Variants in FASTKD2 observed in about 807,000 individuals in gnomAD.
FASTKD2 encodes FAST kinase domains 2.
FASTKD2 carries 51 observed loss-of-function variants against 63.6 expected under a neutral mutation model. The observed-to-expected ratio is 0.80, with a 90% CI of 0.64 to 1.01. The LOEUF is 1.01. Among genes scored for constraint, FASTKD2 ranks in the 50% least tolerant of loss-of-function variants. The pLI is 0.00. For missense variants in FASTKD2, 786 were observed against 831.1 expected, an observed-to-expected ratio of 0.95 and a Z score of 0.67; for synonymous variants, 284 against 293.4, an observed-to-expected ratio of 0.97 and a Z score of 0.33.
rs142922343 is a variant in FASTKD2 at position 206,779,818 on chromosome 2, C to T, written c.1427+5421C>T. ...TCTGTCTTACAGTTTTTTCTTCTAT[C>T]TTTTCCTTTCTTGTTATCTTCCTTT... is the stretch of plus-strand genomic sequence containing the variant. On this transcript the variant is annotated intron_variant, in intron 7 of 11. Transcript: ENST00000402774. 4.4e-3 allele frequency among the ~76,000 whole-genome samples: 674 copies of T among 152,256 alleles called. 5 individuals are homozygous for T. Among genetic ancestry groups the T allele is most frequent in the African/African-American group, 0.015 (632 of 41,548 alleles).
chr2:206,788,132 A>C lies in FASTKD2; in HGVS notation c.1790A>C (p.His597Pro). The stretch of plus-strand genomic sequence containing the variant: ...GAAGGACACTTCTCAAAGGATGTGC[A>C]CTTGCCACACAATTATCATATTGGT... ...GGEGHFSKDV[H>P]LPHNYHIDFE... Residue 597 changes from histidine (H) to proline (P), a missense_variant, in exon 9 of 12, where the codon CAC (histidine) becomes CCC (proline). His to Pro is a moderately conservative substitution (Grantham distance 77). Coordinates refer to ENST00000402774, the MANE Select transcript of FASTKD2 (RefSeq NM_001136193.2). The C allele has an allele frequency of 6.2e-7, 1 of 1,603,232 alleles. No individual in the cohort carries two copies.
In FASTKD2 at chr2:206,792,530, G is replaced by A. The variant is rs889769009; in HGVS notation, c.*728G>A. 3.3e-5 allele frequency: 5 copies of A among 151,812 alleles called. No homozygotes were observed. The highest frequency in any genetic ancestry group is 7.3e-5 in the African/African-American group (3 of 41,294). The allele number at this position is 151,812 out of a possible 1,614,324, so 9.4% of individuals were successfully genotyped here. A position where few individuals can be genotyped will look rare whatever the true frequency, so the allele number is the denominator to read the frequency against. On this transcript the variant is annotated 3_prime_UTR_variant, in exon 12 of 12. Coordinates refer to ENST00000402774, the MANE Select transcript of FASTKD2 (RefSeq NM_001136193.2). ...AATCAGACCTGAGGACTATTTTTTC[G>A]ATTATGTGTGTTCATTCTTTGTTCA... is the stretch of plus-strand genomic sequence containing the variant.
Position 206,795,021 on chromosome 2 carries a change from T to G in FASTKD2, c.*3219T>G, listed in dbSNP as rs1161524010. Among the ~76,000 whole-genome samples, 1 of 123,590 alleles carries G rather than the reference T, an allele frequency of 8.1e-6. No homozygotes were observed. The highest frequency in any genetic ancestry group is 5.3e-4 in the East Asian group (1 of 1,880). 81.1% of individuals were successfully genotyped at this position (123,590 alleles called of 152,430 possible). On this transcript the variant is annotated 3_prime_UTR_variant, in exon 12 of 12. Transcript: ENST00000402774. ...GTGGCTCACTCAGCAGCAAGCCACT[T>G]AGGTAGCTGGCGAGGGACGTGGCAC...
rs886055513 is a variant in FASTKD2 at position 206,793,137 on chromosome 2, G to T, written c.*1335G>T. Among the ~76,000 whole-genome samples the T allele has an allele frequency of 2.1e-5, 3 of 145,528 alleles. No homozygotes were observed. Among genetic ancestry groups the T allele is most frequent in the Non-Finnish European group, 3.0e-5 (2 of 67,260 alleles). ...CTGGGGAGGCTGAGGCAGGGGAATC[G>T]CTTGAACCCGGGAGGTGGAGATTGC... On this transcript the variant is annotated 3_prime_UTR_variant, in exon 12 of 12. Transcript: ENST00000402774.
In FASTKD2 at chr2:206,788,282, T is replaced by C. The variant is rs955969933; in HGVS notation, c.1813+127T>C. On this transcript the variant is annotated intron_variant, in intron 9 of 11. Coordinates refer to ENST00000402774, the MANE Select transcript of FASTKD2 (RefSeq NM_001136193.2). ...GCATTGCCTCTGGAACTGGCCTGAT[T>C]CTTGCCTCATAAAATTCTTGTGACC... 6.3e-6 allele frequency: 4 copies of C among 630,614 alleles called. No individual in the cohort carries two copies. The African/African-American group carries it at 7.4e-5, about 12-fold the overall frequency. 39.1% of individuals were successfully genotyped at this position (630,614 alleles called of 1,614,324 possible). A position where few individuals can be genotyped will look rare whatever the true frequency, so the allele number is the denominator to read the frequency against.
intron 3 of FASTKD2, 107 bp downstream of exon 3, chr2:206,770,301 G>A (rs544435954): frequency 7.8e-6 from 6 of 773,638 alleles, no homozygotes; most frequent in East Asian, 5.2e-5. Context: ...GGGAGGAGGG[G>A]TTGGGGAGGC....
At chr2:206,772,639 TGC>T (rs1689716307) in intron 6 of FASTKD2, among the ~76,000 whole-genome samples, 1 of 152,232 alleles carries the variant, frequency 6.6e-6, no homozygotes, top group African/African-American at 2.4e-5. Flanking sequence ...TGTTGTATGA[TGC>T]TCTCTTTTCA....
intron 7 of FASTKD2, among the ~76,000 whole-genome samples, chr2:206,776,263 G>T (rs995480881): frequency 2.0e-5 from 3 of 151,510 alleles, no homozygotes; most frequent in African/African-American, 7.3e-5. Context: ...TATATATTTT[G>T]GATAATAACT....
intron 1 of FASTKD2, 113 bp from the exon 2 acceptor site, chr2:206,766,531 A>G (rs1214482252): frequency 3.0e-6 from 2 of 658,228 alleles, no homozygotes; most frequent in South Asian, 1.9e-5. Flanking sequence ...TTTTATGTAA[A>G]TGTTTAATGG....
rs1322118595 is a variant in FASTKD2 at position 206,793,376 on chromosome 2, T to C, written c.*1574T>C. On this transcript the variant is annotated 3_prime_UTR_variant, in exon 12 of 12. Coordinates refer to ENST00000402774, the MANE Select transcript of FASTKD2 (RefSeq NM_001136193.2). The stretch of plus-strand genomic sequence containing the variant: ...TTTAATTGTTACTTCCCTCATTTTA[T>C]GGACGAGGAAGATAAGGCTCAAAGA... 6.6e-6 allele frequency among the ~76,000 whole-genome samples: 1 copy of C among 152,182 alleles called. No individual in the cohort carries two copies. The highest frequency in any genetic ancestry group is 1.5e-5 in the Non-Finnish European group (1 of 68,032).
At position 206,774,277 on chromosome 2, in the gene FASTKD2, T is replaced by C. The variant is rs1370271813; in HGVS notation, c.1307T>C (p.Leu436Ser). 2 of 1,611,440 alleles carry C rather than the reference T, an allele frequency of 1.2e-6. No individual in the cohort carries two copies. Among genetic ancestry groups the C allele is most frequent in the Non-Finnish European group, 1.7e-6 (2 of 1,178,118 alleles). The part of the protein sequence containing the change: ...FENLGFRPVG[L>S]MDLFMKRIVE... ...AACCTTGGCTTTCGACCTGTTGGTT[T>C]AATGGACCTGTTTATGAAGAGAATA... Residue 436 changes from leucine to serine, a missense_variant, in exon 7 of 12, where the codon TTA becomes TCA. Physicochemically the swap from Leu to Ser is moderately radical, Grantham distance 145. Transcript: ENST00000402774.
chr2:206,771,987 C>T lies in FASTKD2; in HGVS notation c.1084C>T (p.Leu362Phe). The T allele has an allele frequency of 6.2e-7, 1 of 1,613,664 alleles. No individual in the cohort carries two copies. The highest frequency in any genetic ancestry group is 1.1e-5 in the South Asian group (1 of 91,064). Residue 362 changes from leucine (L) to phenylalanine (F), a missense_variant, in exon 5 of 12, where the codon CTC (leucine) becomes TTC (phenylalanine). Physicochemically the swap from Leu to Phe is conservative, Grantham distance 22. Coordinates refer to ENST00000402774, the MANE Select transcript of FASTKD2 (RefSeq NM_001136193.2). ...TGCCATGAATCACCGATCTCTTATA[C>T]TCCTGGATGAATGCAGTAAGGTGGT... Reference protein sequence around the residue: ...LAAMNHRSLILLDECSKVVLD... With the variant: ...LAAMNHRSLIFLDECSKVVLD...
intron 7 of FASTKD2, among the ~76,000 whole-genome samples, chr2:206,779,876 A>T (rs1315925833): frequency 1.3e-5 from 2 of 152,046 alleles, no homozygotes; most frequent in Non-Finnish European, 2.9e-5. Context: ...AGATGTTTCA[A>T]TTCCTTTCTG....
At chr2:206,772,355 A>G in intron 6 of FASTKD2, 35 bp downstream of exon 6, 2 of 1,584,532 alleles carry the variant, frequency 1.3e-6, no homozygotes, top group Non-Finnish European at 8.7e-7. Context: ...AAGCCTCACA[A>G]ACTTTTAAAA....
Position 206,766,830 on chromosome 2 carries a change from T to A in FASTKD2, c.137T>A (p.Leu46Ter). 6.2e-7 allele frequency: 1 copy of A among 1,611,054 alleles called. No homozygotes were observed. Among genetic ancestry groups the A allele is most frequent in the South Asian group, 1.1e-5 (1 of 90,614 alleles). Residue 46 changes from leucine (L) to a stop codon, truncating the protein, a stop_gained, in exon 2 of 12, where the codon TTG (leucine) becomes TAG (stop). Coordinates refer to ENST00000402774, the MANE Select transcript of FASTKD2 (RefSeq NM_001136193.2). LOFTEE classifies it high-confidence loss of function. ...STSRTMRLCC[L>*]GLCKPKIVHS... ...AGCAGAACTATGAGGCTATGTTGTT[T>A]GGGACTTTGCAAACCAAAAATAGTT...
At chr2:206,773,308 C>T (rs1187665107) in intron 6 of FASTKD2, among the ~76,000 whole-genome samples, 2 of 120,134 alleles carry the variant, frequency 1.7e-5, no homozygotes, top group South Asian at 5.4e-4. Context: ...AAGATCAAAA[C>T]TCTGTCTCAA....
At position 206,786,356 on chromosome 2, in the gene FASTKD2, A is replaced by G. The variant is rs112653843; in HGVS notation, c.1428-377A>G. ...TTATAGAAAATCTAGCATAATTATG[A>G]AAAGGTTCTGGAGCCTGACACCTTA... On this transcript the variant is annotated intron_variant, in intron 7 of 11. Coordinates refer to ENST00000402774, the MANE Select transcript of FASTKD2 (RefSeq NM_001136193.2). 8.7e-3 allele frequency among the ~76,000 whole-genome samples: 1,329 copies of G among 152,330 alleles called. 15 individuals are homozygous for G. Among genetic ancestry groups the G allele is most frequent in the African/African-American group, 0.03 (1,258 of 41,566 alleles).
At chr2:206,779,849 T>G (rs1689921507) in intron 7 of FASTKD2, among the ~76,000 whole-genome samples, 1 of 152,248 alleles carries the variant, frequency 6.6e-6, no homozygotes, top group African/African-American at 2.4e-5. Context: ...CCTTTGTGAC[T>G]TGTTGATTCT....
Position 206,767,134 on chromosome 2 carries a change from G to T in FASTKD2, c.441G>T (p.Lys147Asn). 6.2e-7 allele frequency: 1 copy of T among 1,614,106 alleles called. No individual in the cohort carries two copies. The highest frequency in any genetic ancestry group is 8.5e-7 in the Non-Finnish European group (1 of 1,179,988). ...HEVSNEDVLT[K>N]ETKPNRISSR... Reference sequence around the variant, plus strand: ...TCTCCAATGAAGATGTTCTTACCAAGGAAACAAAACCAAACCGTATCAGCA... The same window carrying T: ...TCTCCAATGAAGATGTTCTTACCAATGAAACAAAACCAAACCGTATCAGCA... The change falls in exon 2 of 12, where the codon AAG becomes AAT. Residue 147 changes from lysine to asparagine, a missense_variant. Transcript: ENST00000402774.
Sources: allele counts gnomAD v4.1 joint callset (sites outside exome capture counted in the v4.1 genomes callset), GRCh38; gene constraint gnomAD v4.1.1; transcripts MANE v1.5; gene names NCBI Gene and HGNC (gene_info 2026-07-23, HGNC 2026-07-21).